Variants in STARD13 observed in about 807,000 individuals in gnomAD.
STARD13 encodes the protein stAR-related lipid transfer protein 13.
STARD13 carries 62 observed loss-of-function variants against 106.4 expected under a neutral mutation model. The ratio of observed to expected loss-of-function variants is 0.58; its 90% CI spans 0.48 to 0.72. The LOEUF (loss-of-function observed/expected upper bound fraction) is 0.72. STARD13 is among the 30% of genes least tolerant of loss of function. The probability of loss-of-function intolerance (pLI) is 0.00; values close to 1 mark genes in which losing one functional copy is unlikely to be tolerated. For missense variants in STARD13, 1,387 were observed against 1,424.0 expected (o/e 0.97, Z 0.42); for synonymous variants, 565 against 553.0 (o/e 1.02, Z -0.31).
chr13:33,661,593 G>A, the STARD13 span, among the ~76,000 whole-genome samples: 3 of 152,158 alleles, frequency 2.0e-5, no homozygotes, highest in Non-Finnish European at 2.9e-5. Context: ...ATGGCAGAAG[G>A]CACTTCTTCA....
At chr13:33,542,464 GC>G in the STARD13 span, among the ~76,000 whole-genome samples, 1 of 152,220 alleles carries the variant, frequency 6.6e-6, no homozygotes, top group Non-Finnish European at 1.5e-5. Context: ...CACCATTTCC[GC>G]CTTGCCTGCC....
the STARD13 span, among the ~76,000 whole-genome samples, chr13:33,484,073 A>G: frequency 6.6e-6 from 1 of 152,224 alleles, no homozygotes; most frequent in African/African-American, 2.4e-5. Context: ...TGCAGAAGTT[A>G]TAACAGTGAG....
At chr13:33,258,602 C>T (rs192986572) in intron 1 of STARD13, among the ~76,000 whole-genome samples, 16 of 152,260 alleles carry the variant, frequency 1.1e-4, no homozygotes, top group Middle Eastern at 3.4e-3. Context: ...GGAATATTTC[C>T]GAGAACCATT....
the STARD13 span, among the ~76,000 whole-genome samples, chr13:33,617,963 G>A: frequency 1.3e-5 from 2 of 152,340 alleles, no homozygotes; most frequent in East Asian, 3.9e-4. Context: ...CTCTGAAATG[G>A]AGACATTGGA....
the STARD13 span, among the ~76,000 whole-genome samples, chr13:33,453,231 C>T: frequency 2.6e-5 from 4 of 152,166 alleles, no homozygotes; most frequent in Admixed American, 2.0e-4. Flanking sequence ...AAAAACCAAA[C>T]AAACAAAAAC....
chr13:33,519,263 T>G, the STARD13 span, among the ~76,000 whole-genome samples: 17 of 149,258 alleles, frequency 1.1e-4, no homozygotes, highest in Non-Finnish European at 2.5e-4. Context: ...TTTCTTTCTT[T>G]CTTTCTTTCT....
chr13:33,345,826 C>T (rs956627428), downstream of STARD13, among the ~76,000 whole-genome samples: 5 of 151,880 alleles, frequency 3.3e-5, no homozygotes, highest in South Asian at 8.3e-4. Context: ...TTAAGAAATG[C>T]TTTTCCCAGG....
rs1884682170 is a variant in STARD13, at chr13:33,177,757, A to G, written c.170-10135T>C. On this transcript the variant is annotated intron_variant, in intron 1 of 13. Coordinates refer to ENST00000336934, the MANE Select transcript of STARD13 (RefSeq NM_178006.4). ...GAGGGAGGAAGGAAGGAAAAAAGGA[A>G]GGAAGGAAGGAAAGGAAGGAAGGAA... Among the ~76,000 whole-genome samples, 4 of 113,078 alleles carry G rather than the reference A, an allele frequency of 3.5e-5. 1 individual carries two copies. The highest frequency in any genetic ancestry group is 3.6e-5 in the Non-Finnish European group (2 of 55,534). 74.2% of individuals were successfully genotyped at this position (113,078 alleles called of 152,430 possible).
At chr13:33,420,281 C>CA in the STARD13 span, among the ~76,000 whole-genome samples, 6 of 151,046 alleles carry the variant, frequency 4.0e-5, no homozygotes, top group Non-Finnish European at 7.4e-5. Context: ...AAATGGAAAG[C>CA]AAAAAAAAGC....
At chr13:33,157,536 G>A (rs1344076989) in intron 3 of STARD13, among the ~76,000 whole-genome samples, 5 of 152,126 alleles carry the variant, frequency 3.3e-5, no homozygotes, top group African/African-American at 1.2e-4. Flanking sequence ...TGGGCGTGGT[G>A]GTTGGTGCCT....
chr13:33,371,581 A>T, the STARD13 span, among the ~76,000 whole-genome samples: 2 of 152,224 alleles, frequency 1.3e-5, no homozygotes, highest in African/African-American at 4.8e-5. Context: ...GATGCGCAAT[A>T]GTAAAAACGA....
intron 1 of STARD13, among the ~76,000 whole-genome samples, chr13:33,339,991 G>A (rs1405172831): frequency 6.6e-6 from 1 of 152,058 alleles, no homozygotes; most frequent in Non-Finnish European, 1.5e-5. Flanking sequence ...ATCCATCATT[G>A]TTTTCTAGTT....
At chr13:33,231,193 T>A (rs1888900896) in intron 1 of STARD13, among the ~76,000 whole-genome samples, 1 of 152,156 alleles carries the variant, frequency 6.6e-6, no homozygotes, top group Non-Finnish European at 1.5e-5. Context: ...TCAATGGCAA[T>A]GGGCTGGGAG....
the STARD13 span, among the ~76,000 whole-genome samples, chr13:33,674,139 C>T: frequency 1.3e-5 from 2 of 152,268 alleles, no homozygotes; most frequent in African/African-American, 2.4e-5. Flanking sequence ...GGATTACAGG[C>T]GTGAGCCACC....
At chr13:33,549,839 A>G in the STARD13 span, among the ~76,000 whole-genome samples, 451 of 152,196 alleles carry the variant, frequency 3.0e-3, 4 homozygotes, top group Admixed American at 0.022. Context: ...CACTTTGTTC[A>G]TCACCATCAC....
At chr13:33,585,562 T>C in the STARD13 span, among the ~76,000 whole-genome samples, 1 of 152,086 alleles carries the variant, frequency 6.6e-6, no homozygotes, top group Non-Finnish European at 1.5e-5. Flanking sequence ...GGTGTGGTGG[T>C]ACATGCCTGT....
the STARD13 span, among the ~76,000 whole-genome samples, chr13:33,551,324 CTG>C: frequency 1.3e-5 from 2 of 152,168 alleles, no homozygotes; most frequent in African/African-American, 4.8e-5. Flanking sequence ...TGCATTTTGA[CTG>C]TGATCCATCA....
At chr13:33,652,688 T>A in the STARD13 span, among the ~76,000 whole-genome samples, 1 of 152,214 alleles carries the variant, frequency 6.6e-6, no homozygotes, top group African/African-American at 2.4e-5. Flanking sequence ...TTAATTTCAA[T>A]GAACTACTTA....
intron 1 of STARD13, among the ~76,000 whole-genome samples, chr13:33,214,782 C>T (rs1887933970): frequency 6.6e-6 from 1 of 151,678 alleles, no homozygotes; most frequent in East Asian, 1.9e-4. Context: ...CAGTGCTGTG[C>T]AGTGTATGAG....
Sources: allele counts gnomAD v4.1 joint callset (sites outside exome capture counted in the v4.1 genomes callset), GRCh38; gene constraint gnomAD v4.1.1; transcripts MANE v1.5; gene names NCBI Gene and HGNC (gene_info 2026-07-23, HGNC 2026-07-21).